The following ANKRD17 variants were observed in gnomAD, a reference collection of about 807,000 sequenced individuals.
The protein encoded by ANKRD17 is ankyrin repeat domain-containing protein 17.
Under a neutral mutation model 229.7 loss-of-function variants are expected in ANKRD17, and 19 were observed. The ratio of observed to expected loss-of-function variants is 0.08; its 90% confidence interval spans 0.06 to 0.12. The LOEUF (loss-of-function observed/expected upper bound fraction) is 0.12. Ranked by LOEUF, ANKRD17 falls within the 10% of genes least tolerant of loss-of-function variation. The pLI, the probability that ANKRD17 is intolerant of heterozygous loss-of-function variation, is 1.00. For missense variants in ANKRD17, 2,176 were observed against 3,176.8 expected (o/e 0.68, Z 7.57); for synonymous variants, 1,112 against 1,146.1 (o/e 0.97, Z 0.60).
chr4:73,165,666 G>A (rs762312879), intron 2 of ANKRD17, among the ~76,000 whole-genome samples: 2 of 152,170 alleles, frequency 1.3e-5, no homozygotes, highest in Non-Finnish European at 2.9e-5. Context: ...TAAAGACAGC[G>A]AGGTTATCCT....
intron 24 of ANKRD17, among the ~76,000 whole-genome samples, chr4:73,105,399 GTA>G (rs1412720197): frequency 4.6e-5 from 7 of 151,364 alleles, no homozygotes. Flanking sequence ...GAGAGTTTAT[GTA>G]TATGTGTGTG....
At chr4:73,102,064 C>G (rs1038052441) in intron 25 of ANKRD17, among the ~76,000 whole-genome samples, 6 of 152,096 alleles carry the variant, frequency 3.9e-5, no homozygotes, top group Non-Finnish European at 5.9e-5. Flanking sequence ...CCCCATCCCC[C>G]CAATCCCCAG....
rs113493827 is a variant in ANKRD17 at position 73,233,224 on chromosome 4, A to G, written c.393+25052T>C. 1.9e-3 allele frequency among the ~76,000 whole-genome samples: 285 copies of G among 152,216 alleles called. 1 individual carries two copies. The highest frequency in any genetic ancestry group is 6.6e-3 in the African/African-American group (273 of 41,534). ...CCATTTTGCTTTCATATCTTGATTC[A>G]CCAAATTTTATATGCTTGTTATCTA... On this transcript the variant is annotated intron_variant, in intron 1 of 33. Transcript: ENST00000358602.
At chr4:73,197,490 T>C (rs1241138169) in intron 1 of ANKRD17, among the ~76,000 whole-genome samples, 2 of 152,062 alleles carry the variant, frequency 1.3e-5, no homozygotes, top group Non-Finnish European at 2.9e-5. Flanking sequence ...ACTTAAGACA[T>C]ATTAAATTCC....
chr4:73,160,929 G>A (rs1038669384), intron 3 of ANKRD17, among the ~76,000 whole-genome samples: 4 of 152,074 alleles, frequency 2.6e-5, no homozygotes, highest in Admixed American at 1.3e-4. Flanking sequence ...CCTTGCAGTC[G>A]GAAAGACACT....
At chr4:73,148,087 G>A (rs1361494784) in intron 8 of ANKRD17, among the ~76,000 whole-genome samples, 1 of 152,158 alleles carries the variant, frequency 6.6e-6, no homozygotes, top group Non-Finnish European at 1.5e-5. Context: ...TACAAAATTG[G>A]CAAGCAGTGG....
intron 24 of ANKRD17, chr4:73,112,557 TA>T: frequency 4.3e-6 from 2 of 463,324 alleles, no homozygotes; most frequent in Non-Finnish European, 5.7e-6. Flanking sequence ...GCTTCCAAAA[TA>T]AAATACATTT....
At chr4:73,225,707 A>G (rs892129207) in intron 1 of ANKRD17, among the ~76,000 whole-genome samples, 2 of 151,378 alleles carry the variant, frequency 1.3e-5, no homozygotes, top group Non-Finnish European at 2.9e-5. Flanking sequence ...AAAAATACAA[A>G]AACAATAAGT....
intron 29 of ANKRD17, among the ~76,000 whole-genome samples, chr4:73,088,670 A>G (rs1298799267): frequency 1.3e-5 from 2 of 152,222 alleles, no homozygotes; most frequent in Non-Finnish European, 2.9e-5. Context: ...ATTATTTTTC[A>G]TAGTACACAT....
chr4:73,154,989 C>G (rs1234618318), intron 5 of ANKRD17, among the ~76,000 whole-genome samples: 1 of 148,998 alleles, frequency 6.7e-6, no homozygotes, highest in African/African-American at 2.5e-5. Flanking sequence ...TGCAGTGAGC[C>G]GAGATCCCGC....
chr4:73,103,749 A>G (rs1048242477), intron 24 of ANKRD17, among the ~76,000 whole-genome samples: 5 of 152,292 alleles, frequency 3.3e-5, no homozygotes, highest in African/African-American at 1.2e-4. Flanking sequence ...TTTTCATTCA[A>G]AAAAGTCTGA....
chr4:73,121,196 G>T, intron 19 of ANKRD17, 102 bp from the exon 20 acceptor site: 1 of 1,071,910 alleles, frequency 9.3e-7, no homozygotes, highest in Non-Finnish European at 1.4e-6. Context: ...TATTTTGAAG[G>T]ATTGTTTAAA....
At chr4:73,156,214 A>C (rs776792325) in intron 3 of ANKRD17, 48 bp from the exon 4 acceptor site, 1 of 1,533,308 alleles carries the variant, frequency 6.5e-7, no homozygotes, top group South Asian at 1.3e-5. Context: ...AATATTAAAA[A>C]ATTGCACAGC....
intron 1 of ANKRD17, among the ~76,000 whole-genome samples, chr4:73,242,324 A>G (rs1278225024): frequency 1.3e-5 from 2 of 152,192 alleles, no homozygotes; most frequent in Non-Finnish European, 2.9e-5. Flanking sequence ...TATTCCAACA[A>G]TAACTAATTA....
At chr4:73,137,687 T>C (rs879849913) in intron 15 of ANKRD17, among the ~76,000 whole-genome samples, 4 of 152,136 alleles carry the variant, frequency 2.6e-5, no homozygotes, top group Admixed American at 2.0e-4. Context: ...TCTTCCTCCT[T>C]CTGGCTATGT....
Position 73,090,482 on chromosome 4 carries a change from G to A in ANKRD17, c.6961+185C>T, listed in dbSNP as rs536763622. On this transcript the variant is annotated intron_variant, in intron 29 of 33. Transcript: ENST00000358602. ...ATGGAAAATTAAATAAAAATCTATGGTAGCTTTTAAAAAGATTTTTAAAAA... is the reference window on the plus strand; with the variant it reads ...ATGGAAAATTAAATAAAAATCTATGATAGCTTTTAAAAAGATTTTTAAAAA... 1.7e-3 allele frequency among the ~76,000 whole-genome samples: 253 copies of A among 152,260 alleles called. 1 individual carries two copies. Among genetic ancestry groups the A allele is most frequent in the South Asian group, 0.014 (66 of 4,816 alleles).
intron 2 of ANKRD17, among the ~76,000 whole-genome samples, chr4:73,174,994 C>T (rs1734539416): frequency 6.6e-6 from 1 of 152,168 alleles, no homozygotes; most frequent in Non-Finnish European, 1.5e-5. Flanking sequence ...AATGTACATA[C>T]TACCCCAAGC....
intron 16 of ANKRD17, among the ~76,000 whole-genome samples, chr4:73,128,791 T>C (rs1342179209): frequency 2.6e-5 from 4 of 152,130 alleles, no homozygotes; most frequent in African/African-American, 7.2e-5. Context: ...GGCAACTCCA[T>C]TGTATTTCTG....
chr4:73,102,643 C>T, intron 24 of ANKRD17, 96 bp from the exon 25 acceptor site: 1 of 1,400,996 alleles, frequency 7.1e-7, no homozygotes, highest in Non-Finnish European at 9.7e-7. Context: ...ACCATGATAT[C>T]ATAAAATTCA....
Sources: allele counts gnomAD v4.1 joint callset (sites outside exome capture counted in the v4.1 genomes callset), GRCh38; gene constraint gnomAD v4.1.1; transcripts MANE v1.5; gene names NCBI Gene and HGNC (gene_info 2026-07-23, HGNC 2026-07-21).